The following ADAMTS17 variants were observed in gnomAD, a reference collection of about 807,000 sequenced individuals.
ADAMTS17 encodes the protein A disintegrin and metalloproteinase with thrombospondin motifs 17.
A neutral mutation model predicts 141.5 loss-of-function variants in ADAMTS17; 113 were observed. That is an observed-to-expected ratio of 0.80 (90% CI 0.69 to 0.93). The LOEUF is 0.93. ADAMTS17 is among the 40% of genes least tolerant of loss of function. The pLI is 0.00. For missense variants in ADAMTS17, 1,659 were observed against 1,517.9 expected (o/e 1.09, Z -1.54); for synonymous variants, 768 against 630.6 (o/e 1.22, Z -3.27).
intron 18 of ADAMTS17, among the ~76,000 whole-genome samples, chr15:100,046,942 G>T (rs552412305): frequency 6.6e-6 from 1 of 152,146 alleles, no homozygotes; most frequent in African/African-American, 2.4e-5. Context: ...TCTGACTGCC[G>T]GTGAGCCAGG....
At chr15:100,142,414 A>C (rs551854171) in intron 10 of ADAMTS17, among the ~76,000 whole-genome samples, 2 of 152,298 alleles carry the variant, frequency 1.3e-5, no homozygotes, top group South Asian at 4.1e-4. Flanking sequence ...ACAGGGAAAG[A>C]TATGGGAAGG....
At chr15:100,317,074 G>T (rs1018234367) in intron 3 of ADAMTS17, among the ~76,000 whole-genome samples, 5 of 152,100 alleles carry the variant, frequency 3.3e-5, no homozygotes, top group Non-Finnish European at 2.9e-5. Flanking sequence ...GGGTAATTAC[G>T]AATTATCAGC....
In ADAMTS17 at chr15:100,048,955, G is replaced by A. The variant is rs1159061024; in HGVS notation, c.2493C>T (p.Val831=). ...CGTTCACCAGAGTTGTGGTCTTGTT[G>A]ACAATCCGTGTACACGAGACGATGG... ...RRTIVSCTRI[V]NKTTTLVNDS... The change falls in exon 18 of 22, where the codon GTC becomes GTT. Residue 831 remains valine, a synonymous_variant. Transcript: ENST00000268070. 2 of 1,614,198 alleles carry A rather than the reference G, an allele frequency of 1.2e-6. No homozygotes were observed. Among genetic ancestry groups the A allele is most frequent in the Non-Finnish European group, 1.7e-6 (2 of 1,180,032 alleles).
At chr15:100,227,445 C>T (rs373524348) in intron 7 of ADAMTS17, among the ~76,000 whole-genome samples, 31 of 152,210 alleles carry the variant, frequency 2.0e-4, no homozygotes, top group African/African-American at 7.5e-4. Flanking sequence ...TTTATCTCCC[C>T]TAAATGACTG....
intron 8 of ADAMTS17, among the ~76,000 whole-genome samples, chr15:100,179,868 C>A (rs2040465631): frequency 1.3e-5 from 2 of 152,284 alleles, no homozygotes; most frequent in South Asian, 4.1e-4. Flanking sequence ...GTTTTTAAAT[C>A]AGATTATAAG....
intron 10 of ADAMTS17, among the ~76,000 whole-genome samples, chr15:100,149,321 C>T (rs558649128): frequency 3.3e-5 from 5 of 152,214 alleles, no homozygotes; most frequent in East Asian, 1.9e-4. Flanking sequence ...CCCAAAAGAG[C>T]GTGAGTGTGT....
At chr15:100,026,839 T>G (rs2727120) in intron 18 of ADAMTS17, among the ~76,000 whole-genome samples, 9,383 of 152,266 alleles carry the variant, frequency 0.062, 892 homozygotes, top group African/African-American at 0.2. Context: ...GGAGTAGAAT[T>G]TCTGGGTCAT....
chr15:100,278,705 G>A (rs1371394330), intron 4 of ADAMTS17, among the ~76,000 whole-genome samples: 2 of 152,204 alleles, frequency 1.3e-5, no homozygotes, highest in African/African-American at 2.4e-5. Flanking sequence ...TCAACGAAAT[G>A]GAAGACAAAG....
chr15:100,059,038 G>A (rs1423555881), intron 15 of ADAMTS17, among the ~76,000 whole-genome samples: 1 of 152,194 alleles, frequency 6.6e-6, no homozygotes, highest in Non-Finnish European at 1.5e-5. Context: ...TATCCACCTG[G>A]CATCAGTGAA....
chr15:100,051,723 TAAC>T lies in ADAMTS17; in HGVS notation c.2301_2303del (p.Leu768del). 1.2e-6 allele frequency: 2 copies of T among 1,614,132 alleles called. No homozygotes were observed. Among genetic ancestry groups the T allele is most frequent in the Non-Finnish European group, 1.7e-6 (2 of 1,180,016 alleles). ...GAATTCCATAATCTTGGTCGTGAAA[TAAC>T]AACACCTGGATCAGCCGCAAAACAA... On this transcript the variant is annotated inframe_deletion, in exon 17 of 22. Coordinates refer to ENST00000268070, the MANE Select transcript of ADAMTS17 (RefSeq NM_139057.4).
Position 100,322,106 on chromosome 15 carries a change from G to C in ADAMTS17, c.616+8783C>G, listed in dbSNP as rs1286489624. On this transcript the variant is annotated intron_variant, in intron 3 of 21. Coordinates refer to ENST00000268070, the MANE Select transcript of ADAMTS17 (RefSeq NM_139057.4). ...CAAAAATCCAAACACCTGAAGGTTG[G>C]AAGATGTGGGTGGAGTCAACACTTG... 2.0e-5 allele frequency among the ~76,000 whole-genome samples: 3 copies of C among 152,276 alleles called. No individual in the cohort carries two copies. The South Asian group carries it at 6.2e-4, about 32-fold the overall frequency.
At chr15:100,063,026 G>A (rs1052803279) in intron 15 of ADAMTS17, among the ~76,000 whole-genome samples, 1 of 152,170 alleles carries the variant, frequency 6.6e-6, no homozygotes, top group Non-Finnish European at 1.5e-5. Flanking sequence ...CTGGGAATTG[G>A]GCCAAGGATA....
At chr15:100,207,903 C>T (rs2041640109) in intron 7 of ADAMTS17, among the ~76,000 whole-genome samples, 1 of 152,140 alleles carries the variant, frequency 6.6e-6, no homozygotes, top group East Asian at 1.9e-4. Context: ...CCTGGAAATC[C>T]CCAGGCCCTA....
chr15:100,221,346 A>ATG (rs930919758), intron 7 of ADAMTS17, among the ~76,000 whole-genome samples: 4 of 151,518 alleles, frequency 2.6e-5, no homozygotes, highest in Non-Finnish European at 5.9e-5. Context: ...CGCATAGCAT[A>ATG]TGTGTGTGTG....
chr15:100,269,511 CT>C (rs2043831866), intron 4 of ADAMTS17, among the ~76,000 whole-genome samples: 1 of 152,214 alleles, frequency 6.6e-6, no homozygotes, highest in African/African-American at 2.4e-5. Flanking sequence ...AGGAAAACTG[CT>C]CCCAGGAGGT....
chr15:100,341,853 AGCAGCACGG>A lies in ADAMTS17; in HGVS notation c.38_46del (p.Pro13_Leu15del), dbSNP rs1184643078. On this transcript the variant is annotated inframe_deletion, in exon 1 of 22. Transcript: ENST00000268070. ...CGGGTCCAGTCCCCAAACCAGCAGC[AGCAGCACGG>A]GCAGGACGAGCGGAGGCAGCAGGGC... The A allele has an allele frequency of 6.4e-7, 1 of 1,553,180 alleles. No homozygotes were observed. Among genetic ancestry groups the A allele is most frequent in the Non-Finnish European group, 8.7e-7 (1 of 1,148,404 alleles).
chr15:100,066,546 GT>G (rs1272208217), intron 15 of ADAMTS17, among the ~76,000 whole-genome samples: 2 of 149,904 alleles, frequency 1.3e-5, no homozygotes, highest in Non-Finnish European at 3.0e-5. Context: ...TCTCTTGGTT[GT>G]TGTAAACTCT....
intron 18 of ADAMTS17, among the ~76,000 whole-genome samples, chr15:100,002,217 T>C (rs1045352320): frequency 2.6e-5 from 4 of 151,948 alleles, no homozygotes; most frequent in Admixed American, 6.5e-5. Flanking sequence ...CAGTTGACTT[T>C]GTGAATAAAG....
At chr15:100,174,527 G>T (rs537448548) in intron 8 of ADAMTS17, among the ~76,000 whole-genome samples, 1 of 152,258 alleles carries the variant, frequency 6.6e-6, no homozygotes, top group South Asian at 2.1e-4. Context: ...ATTGTTACTA[G>T]TATTTCGTTT....
Sources: gnomAD v4.1 joint callset for allele counts (sites outside exome capture counted in the v4.1 genomes callset) on GRCh38, gnomAD v4.1.1 for gene constraint, MANE v1.5 for transcripts, NCBI Gene and HGNC (gene_info 2026-07-23, HGNC 2026-07-21) for gene names.